The following PLEKHA6 variants were observed in gnomAD, a reference collection of about 807,000 sequenced individuals.
PLEKHA6 encodes the protein pleckstrin homology domain containing A6.
PLEKHA6 carries 60 observed loss-of-function variants against 116.7 expected under a neutral mutation model. The observed-to-expected ratio is 0.51, with a 90% CI of 0.42 to 0.64. PLEKHA6 has a LOEUF of 0.64. Ranked by LOEUF, PLEKHA6 falls within the 30% of genes least tolerant of loss-of-function variation. PLEKHA6 has a pLI of 0.00. For synonymous variants in PLEKHA6, 489 were observed against 556.1 expected, an observed-to-expected ratio of 0.88 and a Z score of 1.70; for missense variants, 1,338 against 1,422.7, an observed-to-expected ratio of 0.94 and a Z score of 0.96.
At chr1:204,360,157 C>T (rs951163625), upstream of PLEKHA6, among the ~76,000 whole-genome samples, 2 of 152,246 alleles carry the variant, frequency 1.3e-5, no homozygotes, top group African/African-American at 4.8e-5. Context: ...GAAGGCTGCC[C>T]CCCAAAGGGG....
intron 17 of PLEKHA6, among the ~76,000 whole-genome samples, chr1:204,240,233 T>C (rs886818132): frequency 7.9e-5 from 12 of 152,174 alleles, no homozygotes; most frequent in Non-Finnish European, 8.8e-5. Flanking sequence ...AATGGGAAAC[T>C]ACAACAGCTT....
chr1:204,336,195 C>T (rs1264515753), intron 1 of PLEKHA6, among the ~76,000 whole-genome samples: 1 of 152,174 alleles, frequency 6.6e-6, no homozygotes, highest in African/African-American at 2.4e-5. Context: ...CTTCAGACTG[C>T]AGATTAAACT....
chr1:204,223,461 C>T lies in PLEKHA6; in HGVS notation c.*8+1G>A, dbSNP rs984619087. 5.4e-6 allele frequency: 8 copies of T among 1,484,998 alleles called. No homozygotes were observed. Among genetic ancestry groups the T allele is most frequent in the East Asian group, 2.5e-5 (1 of 40,650 alleles). The allele number at this position is 1,484,998 out of a possible 1,614,324, so 92.0% of individuals were successfully genotyped here. A position where few individuals can be genotyped will look rare whatever the true frequency, so the allele number is the denominator to read the frequency against. ...ATGAAATACAGTAGAAAAGTGCTTA[C>T]GTCAGAGCTCAGACCCGCATGGTAT... On this transcript the variant is annotated splice_donor_variant, in intron 22 of 22. Coordinates refer to ENST00000272203, the MANE Select transcript of PLEKHA6 (RefSeq NM_014935.5). LOFTEE classifies it low-confidence loss of function (3UTR_SPLICE). This position sits in a 1 kb window ranked among gnomAD's most constrained non-coding sequence, Gnocchi z 4.8.
intron 1 of PLEKHA6, among the ~76,000 whole-genome samples, chr1:204,345,916 G>T (rs1268293839): frequency 6.6e-6 from 1 of 152,252 alleles, no homozygotes; most frequent in Non-Finnish European, 1.5e-5. Context: ...CACAAGAAAA[G>T]TGACCCCTGT....
chr1:204,272,228 C>T (rs1046293014), intron 3 of PLEKHA6, among the ~76,000 whole-genome samples: 1 of 152,166 alleles, frequency 6.6e-6, no homozygotes, highest in African/African-American at 2.4e-5. Context: ...ACTCCCTAGC[C>T]TCACACGCCT....
intron 1 of PLEKHA6, among the ~76,000 whole-genome samples, chr1:204,338,850 T>C (rs528730382): frequency 6.6e-6 from 1 of 152,316 alleles, no homozygotes; most frequent in African/African-American, 2.4e-5. Flanking sequence ...GTAGGATGCA[T>C]AGGCTACTAA....
intron 11 of PLEKHA6, 60 bp from the exon 12 acceptor site, chr1:204,249,030 A>G: frequency 6.4e-7 from 1 of 1,574,180 alleles, no homozygotes. Context: ...GGGATTGAAC[A>G]GCAGAGGCCT....
At chr1:204,301,792 G>A (rs1220546080) in intron 1 of PLEKHA6, among the ~76,000 whole-genome samples, 1 of 152,174 alleles carries the variant, frequency 6.6e-6, no homozygotes, top group East Asian at 1.9e-4. Flanking sequence ...CTTTTAAAAT[G>A]GGAAACCAGC....
chr1:204,356,898 G>C (rs1368312169), intron 1 of PLEKHA6, among the ~76,000 whole-genome samples: 1 of 151,988 alleles, frequency 6.6e-6, no homozygotes. Context: ...CTATGCCTTG[G>C]AATTTATCCT....
At chr1:204,241,996 C>T (rs188151203) in intron 15 of PLEKHA6, among the ~76,000 whole-genome samples, 182 bp from the exon 16 acceptor site, 50 of 152,322 alleles carry the variant, frequency 3.3e-4, no homozygotes, top group Non-Finnish European at 5.3e-4. Flanking sequence ...CCCATTCGTG[C>T]ACTTTAAGAC....
chr1:204,348,951 G>A (rs1057300352), intron 1 of PLEKHA6, among the ~76,000 whole-genome samples: 10 of 152,334 alleles, frequency 6.6e-5, no homozygotes, highest in African/African-American at 2.4e-4. Context: ...AGGTCCAGTT[G>A]CTTGGCAACC....
At chr1:204,230,354 G>T in intron 18 of PLEKHA6, 59 bp downstream of exon 18, 1 of 1,355,184 alleles carries the variant, frequency 7.4e-7, no homozygotes, top group South Asian at 1.5e-5. Flanking sequence ...CATGCCCTGG[G>T]AGTGGGCAGT....
At chr1:204,338,838 C>T (rs1409631827) in intron 1 of PLEKHA6, among the ~76,000 whole-genome samples, 1 of 152,174 alleles carries the variant, frequency 6.6e-6, no homozygotes, top group Non-Finnish European at 1.5e-5. Context: ...AGGCAGACCC[C>T]GGTAGGATGC....
chr1:204,288,897 A>G (rs772167919), intron 1 of PLEKHA6, among the ~76,000 whole-genome samples: 1 of 152,232 alleles, frequency 6.6e-6, no homozygotes, highest in Non-Finnish European at 1.5e-5. Flanking sequence ...GTTATTGTTT[A>G]TAGTTCAAAG....
chr1:204,258,949 C>T (rs1200817526), intron 8 of PLEKHA6, among the ~76,000 whole-genome samples: 1 of 152,196 alleles, frequency 6.6e-6, no homozygotes, highest in Admixed American at 6.5e-5. Context: ...ACTTCAGGCC[C>T]CCTCCCAAAG....
chr1:204,259,562 TC>T lies in PLEKHA6; in HGVS notation c.702del (p.Ala236ProfsTer80). 3 of 1,614,112 alleles carry T rather than the reference TC, an allele frequency of 1.9e-6. No homozygotes were observed. Among genetic ancestry groups the T allele is most frequent in the Non-Finnish European group, 2.5e-6 (3 of 1,180,046 alleles). On this transcript the variant is annotated frameshift_variant, in exon 8 of 23. Transcript: ENST00000272203. LOFTEE classifies it high-confidence loss of function. This position sits in a 1 kb window ranked among gnomAD's most constrained non-coding sequence, Gnocchi z 4.6. ...ERPEVKKEPP[V>X]KANGLPAGPE... ...GGTCCAGCTGGGAGGCCATTGGCTT[TC>T]ACCGGAGGCTCTTTCTTGACTTCTG... is the stretch of plus-strand genomic sequence containing the variant.
At chr1:204,339,150 G>T (rs1306545558) in intron 1 of PLEKHA6, among the ~76,000 whole-genome samples, 1 of 152,210 alleles carries the variant, frequency 6.6e-6, no homozygotes, top group Non-Finnish European at 1.5e-5. Flanking sequence ...GCCACTTGTG[G>T]TGCTCAGGTT....
chr1:204,274,706 C>T (rs1667831123), intron 2 of PLEKHA6, 23 bp downstream of exon 2: 11 of 985,880 alleles, frequency 1.1e-5, no homozygotes, highest in Non-Finnish European at 1.3e-5. Flanking sequence ...AAAGCCCAAA[C>T]AGCAAGTAGG....
At chr1:204,376,430 T>C (rs1456087101) in intron 1 of PLEKHA6, among the ~76,000 whole-genome samples, 2 of 152,228 alleles carry the variant, frequency 1.3e-5, no homozygotes, top group African/African-American at 4.8e-5. Context: ...TATTTAAGAA[T>C]CTGACTTAGG....
Sources: gnomAD v4.1 joint callset for allele counts (sites outside exome capture counted in the v4.1 genomes callset) on GRCh38, gnomAD v4.1.1 for gene constraint, Gnocchi (gnomAD v3.1) non-coding constraint, MANE v1.5 for transcripts, NCBI Gene and HGNC (gene_info 2026-07-23, HGNC 2026-07-21) for gene names.